Variants in OSBP2 observed in about 807,000 individuals in gnomAD.
OSBP2 encodes the protein oxysterol binding protein 2.
OSBP2 carries 66 observed loss-of-function variants against 96.0 expected under a neutral mutation model. The observed-to-expected ratio is 0.69, with a 90% CI of 0.56 to 0.84. The LOEUF is 0.84. OSBP2 is among the 40% of genes least tolerant of loss of function. The pLI is 0.00. For missense variants in OSBP2, 1,038 were observed against 1,222.7 expected (o/e 0.85, Z 2.25); for synonymous variants, 525 against 520.9 (o/e 1.01, Z -0.11).
At chr22:30,721,704 G>C (rs1569502) in intron 1 of OSBP2, among the ~76,000 whole-genome samples, 1 of 152,120 alleles carries the variant, frequency 6.6e-6, no homozygotes, top group Non-Finnish European at 1.5e-5. Context: ...CAAAATTCCT[G>C]AATAAATTGT....
At chr22:30,788,746 T>C (rs547126529) in intron 2 of OSBP2, among the ~76,000 whole-genome samples, 1 of 152,314 alleles carries the variant, frequency 6.6e-6, no homozygotes, top group African/African-American at 2.4e-5. Context: ...GGAGTCTTGC[T>C]CTGTCACCCA....
intron 2 of OSBP2, among the ~76,000 whole-genome samples, chr22:30,742,239 T>C (rs2089949102): frequency 6.6e-6 from 1 of 151,864 alleles, no homozygotes; most frequent in African/African-American, 2.4e-5. Context: ...GAGACCAGCC[T>C]AGCCAACATG....
At chr22:30,849,128 C>CA (rs1340991177) in intron 2 of OSBP2, among the ~76,000 whole-genome samples, 1 of 151,068 alleles carries the variant, frequency 6.6e-6, no homozygotes, top group Admixed American at 6.6e-5. Context: ...ATTAGCCAGG[C>CA]ATGATGGTGC....
At chr22:30,867,849 G>T (rs1372351181) in intron 2 of OSBP2, among the ~76,000 whole-genome samples, 1 of 152,238 alleles carries the variant, frequency 6.6e-6, no homozygotes, top group Admixed American at 6.5e-5. Flanking sequence ...GTCACATTTG[G>T]GCTGACCCGC....
At position 30,893,110 on chromosome 22, in the gene OSBP2, G is replaced by A. The variant is rs777788982; in HGVS notation, c.1870-12G>A. 1.2e-6 allele frequency: 2 copies of A among 1,613,552 alleles called. No homozygotes were observed. The highest frequency in any genetic ancestry group is 3.3e-5 in the Admixed American group (2 of 60,014). On this transcript the variant is annotated splice_polypyrimidine_tract_variant and intron_variant, in intron 8 of 13. Coordinates refer to ENST00000332585, the MANE Select transcript of OSBP2 (RefSeq NM_030758.4). Reference sequence around the variant, plus strand: ...TCTGGCAGATGCTCACATCCTATGGGTCTGGTCTCAGGTGAGCCACCACCC... The same window carrying A: ...TCTGGCAGATGCTCACATCCTATGGATCTGGTCTCAGGTGAGCCACCACCC...
intron 2 of OSBP2, among the ~76,000 whole-genome samples, chr22:30,784,768 ATCC>A (rs531586876): frequency 1.8e-4 from 26 of 148,002 alleles, no homozygotes; most frequent in Middle Eastern, 3.5e-3. Flanking sequence ...GGTAGAATAA[ATCC>A]TCCTCATTTT....
chr22:30,792,268 G>T (rs1223372401), intron 2 of OSBP2, among the ~76,000 whole-genome samples: 1 of 151,320 alleles, frequency 6.6e-6, no homozygotes, highest in Non-Finnish European at 1.5e-5. Flanking sequence ...AATTGAGATC[G>T]CACCACTGCA....
intron 1 of OSBP2, among the ~76,000 whole-genome samples, chr22:30,724,077 T>G (rs1409083765): frequency 6.6e-6 from 1 of 152,210 alleles, no homozygotes; most frequent in Non-Finnish European, 1.5e-5. Context: ...CAACCACTGA[T>G]CTTTTTACCG....
chr22:30,879,691 C>G (rs1372362378), intron 3 of OSBP2, among the ~76,000 whole-genome samples: 2 of 152,248 alleles, frequency 1.3e-5, no homozygotes, highest in Non-Finnish European at 2.9e-5. Flanking sequence ...CACTTAAGAC[C>G]AGAATCGCAG....
intron 2 of OSBP2, among the ~76,000 whole-genome samples, chr22:30,767,777 T>G (rs1048629855): frequency 1.3e-5 from 2 of 152,048 alleles, no homozygotes; most frequent in South Asian, 2.1e-4. Context: ...CAGCTCTCAG[T>G]TGGGAGAGGA....
Position 30,893,175 on chromosome 22 carries a change from G to A in OSBP2, c.1923G>A (p.Trp641Ter), listed in dbSNP as rs767612450. The A allele has an allele frequency of 1.2e-6, 2 of 1,613,970 alleles. No homozygotes were observed. Among genetic ancestry groups the A allele is most frequent in the African/African-American group, 2.7e-5 (2 of 74,918 alleles). The change falls in exon 9 of 14, where the codon TGG (tryptophan) becomes TGA (stop). Residue 641 changes from tryptophan (W) to a stop codon, truncating the protein, a stop_gained. Transcript: ENST00000332585. LOFTEE classifies it high-confidence loss of function. ...ACTACGTGTTCTCCAAGCATGGCTG[G>A]AGCCTCTGGCAGGAGATCACCATCT... The part of the protein sequence containing the change: ...AAHYVFSKHG[W>*]SLWQEITISS...
At chr22:30,740,737 A>C (rs1485059063) in intron 1 of OSBP2, among the ~76,000 whole-genome samples, 1 of 152,150 alleles carries the variant, frequency 6.6e-6, no homozygotes, top group African/African-American at 2.4e-5. Context: ...TCGGTCTCCC[A>C]AAGTGCTGAG....
chr22:30,695,577 A>C (rs1254019485), intron 1 of OSBP2, 24 bp downstream of exon 1: 5 of 1,587,564 alleles, frequency 3.1e-6, no homozygotes, highest in Non-Finnish European at 4.3e-6. Context: ...AGGGTGGGAC[A>C]TGGGGGTTGG....
intron 2 of OSBP2, among the ~76,000 whole-genome samples, chr22:30,797,518 G>A (rs761937626): frequency 1.8e-4 from 27 of 151,726 alleles, no homozygotes; most frequent in South Asian, 4.2e-4. Flanking sequence ...TCCTGACCTC[G>A]CGATCAGCCC....
At chr22:30,739,053 G>T (rs2089896978) in intron 1 of OSBP2, among the ~76,000 whole-genome samples, 1 of 152,142 alleles carries the variant, frequency 6.6e-6, no homozygotes, top group Non-Finnish European at 1.5e-5. Flanking sequence ...ACCCTTCATG[G>T]GAAAAGATTT....
chr22:30,839,005 C>T (rs1460787892), intron 2 of OSBP2, among the ~76,000 whole-genome samples: 1 of 116,656 alleles, frequency 8.6e-6, no homozygotes, highest in Non-Finnish European at 1.8e-5. Context: ...CCCCTCCCCC[C>T]ACCCCACAAC....
At chr22:30,808,890 G>T (rs1030656950) in intron 2 of OSBP2, among the ~76,000 whole-genome samples, 1 of 152,174 alleles carries the variant, frequency 6.6e-6, no homozygotes, top group Non-Finnish European at 1.5e-5. Context: ...GAAGGTGGAG[G>T]CTGCAGTGAG....
chr22:30,808,103 T>G (rs115204551), intron 2 of OSBP2, among the ~76,000 whole-genome samples: 4,821 of 152,262 alleles, frequency 0.032, 227 homozygotes, highest in African/African-American at 0.11. Flanking sequence ...CAAATTTTAC[T>G]GCAGGCCAGG....
chr22:30,704,618 G>T (rs1275773861), intron 1 of OSBP2, among the ~76,000 whole-genome samples: 1 of 151,618 alleles, frequency 6.6e-6, no homozygotes, highest in African/African-American at 2.4e-5. Context: ...CTGGGTTCAA[G>T]ATATTTTTGG....
Sources: gnomAD v4.1 joint callset for allele counts (sites outside exome capture counted in the v4.1 genomes callset) on GRCh38, gnomAD v4.1.1 for gene constraint, MANE v1.5 for transcripts, NCBI Gene and HGNC (gene_info 2026-07-23, HGNC 2026-07-21) for gene names.